MTUS1: variants seen among roughly 807,000 people sequenced by gnomAD.
The protein encoded by MTUS1 is microtubule-associated tumor suppressor 1.
MTUS1 carries 109 observed loss-of-function variants against 120.8 expected under a neutral mutation model. The ratio of observed to expected loss-of-function variants is 0.90; its 90% CI spans 0.77 to 1.06. The LOEUF (loss-of-function observed/expected upper bound fraction) is 1.06, where lower values mean the gene tolerates loss of function less well. MTUS1 is among the 50% of genes least tolerant of loss of function. The probability of loss-of-function intolerance (pLI) is 0.00; values close to 1 mark genes in which losing one functional copy is unlikely to be tolerated. For synonymous variants in MTUS1, 737 were observed against 550.5 expected (o/e 1.34, Z -4.74); for missense variants, 2,210 against 1,486.3 (o/e 1.49, Z -8.01).
chr8:17,713,328 G>T, intron 5 of MTUS1, 76 bp from the exon 6 acceptor site: 2 of 908,700 alleles, frequency 2.2e-6, no homozygotes, highest in South Asian at 1.5e-5. Context: ...ATGTTGATAA[G>T]AATTATTTTC....
At chr8:17,739,098 G>C (rs190620416) in intron 3 of MTUS1, among the ~76,000 whole-genome samples, 75 of 152,214 alleles carry the variant, frequency 4.9e-4, no homozygotes, top group African/African-American at 1.7e-3. Context: ...ATCTATGGTG[G>C]AGTCAGTGCA....
At chr8:17,722,392 G>T in intron 4 of MTUS1, 2 of 983,992 alleles carry the variant, frequency 2.0e-6, no homozygotes, top group East Asian at 1.1e-4. Context: ...AAGACAAAGA[G>T]AGCTTAAAAT....
chr8:17,663,976 T>A (rs1456610433), intron 8 of MTUS1: 1 of 152,254 alleles, frequency 6.6e-6, no homozygotes, highest in Non-Finnish European at 1.5e-5. Context: ...GGTGAAGCAC[T>A]CACCCCAGTG....
chr8:17,795,122 T>C (rs1165634004), intron 1 of MTUS1, among the ~76,000 whole-genome samples: 1 of 152,212 alleles, frequency 6.6e-6, no homozygotes, highest in Non-Finnish European at 1.5e-5. Context: ...AGTTAAATAT[T>C]ACCATGTTTC....
intron 4 of MTUS1, chr8:17,722,060 A>G: frequency 1.5e-6 from 2 of 1,323,206 alleles, no homozygotes; most frequent in Non-Finnish European, 1.9e-6. Context: ...CTAGCAAATC[A>G]AACTAAGAAA....
At chr8:17,752,450 C>A (rs1292431422) in intron 2 of MTUS1, among the ~76,000 whole-genome samples, 1 of 152,168 alleles carries the variant, frequency 6.6e-6, no homozygotes, top group East Asian at 1.9e-4. Context: ...AAAACTAAAT[C>A]TGAGTTTTGA....
chr8:17,686,718 A>G (rs1815889085), intron 6 of MTUS1, among the ~76,000 whole-genome samples: 1 of 152,216 alleles, frequency 6.6e-6, no homozygotes, highest in Admixed American at 6.5e-5. Flanking sequence ...TTTTGGAGAA[A>G]ATATTCTTCA....
chr8:17,712,350 T>C (rs980241874), intron 6 of MTUS1, among the ~76,000 whole-genome samples: 1 of 152,104 alleles, frequency 6.6e-6, no homozygotes, highest in East Asian at 1.9e-4. Context: ...TATCTTTTTT[T>C]TTTTGAGACA....
intron 2 of MTUS1, among the ~76,000 whole-genome samples, chr8:17,744,689 C>CTTTT (rs58283163): frequency 5.0e-5 from 5 of 99,012 alleles, no homozygotes; most frequent in South Asian, 3.5e-4. Context: ...ACCATGTTTT[C>CTTTT]TTTTTTTTTT....
chr8:17,676,708 G>C (rs975380801), intron 7 of MTUS1, among the ~76,000 whole-genome samples: 1 of 152,148 alleles, frequency 6.6e-6, no homozygotes, highest in African/African-American at 2.4e-5. Flanking sequence ...AGACTTGTGA[G>C]CCTTTTTCTT....
At chr8:17,665,180 G>A (rs566634971) in intron 8 of MTUS1, among the ~76,000 whole-genome samples, 1 of 152,282 alleles carries the variant, frequency 6.6e-6, no homozygotes, top group Non-Finnish European at 1.5e-5. Context: ...GCAGACAAGT[G>A]GTAGACCAGG....
chr8:17,653,140 C>T (rs990742593), intron 12 of MTUS1, 46 bp downstream of exon 12: 23 of 1,161,994 alleles, frequency 2.0e-5, no homozygotes, highest in Non-Finnish European at 2.8e-5. Flanking sequence ...TAAAAGGCAA[C>T]TGAGAAGAAA....
chr8:17,756,465 C>G (rs2048616575), intron 1 of MTUS1, among the ~76,000 whole-genome samples: 1 of 152,062 alleles, frequency 6.6e-6, no homozygotes, highest in Admixed American at 6.5e-5. Flanking sequence ...AGCAAATCAG[C>G]TGAAGATCAA....
chr8:17,732,094 T>C (rs2046624150), intron 3 of MTUS1, among the ~76,000 whole-genome samples: 1 of 152,194 alleles, frequency 6.6e-6, no homozygotes, highest in African/African-American at 2.4e-5. Context: ...AGCCTTTGAA[T>C]GCAGTCACAG....
rs1235667537 is a variant in MTUS1 at position 17,646,023 on chromosome 8, A to G, written c.3716T>C (p.Leu1239Pro). Residue 1239 changes from leucine (L) to proline (P), a missense_variant, in exon 15 of 15, where the codon CTG becomes CCG. By Grantham distance (98) the Leu-to-Pro change is moderately conservative (BLOSUM62 -3). Coordinates refer to ENST00000693296, the MANE Select transcript of MTUS1 (RefSeq NM_001363059.2). Reference protein sequence around the residue: ...ELLWKLHNGDLCSPKRSPTSS... With the variant: ...ELLWKLHNGDPCSPKRSPTSS... ...TGTGGGGGATCTCTTGGGGCTACAC[A>G]GGTCCCCATTGTGCAGTTTCCACAG... 6.2e-7 allele frequency: 1 copy of G among 1,613,680 alleles called. No individual in the cohort carries two copies. The highest frequency in any genetic ancestry group is 8.5e-7 in the Non-Finnish European group (1 of 1,179,912).
At chr8:17,655,717 T>C (rs1808061006) in intron 9 of MTUS1, 146 bp downstream of exon 9, 1 of 713,004 alleles carries the variant, frequency 1.4e-6, no homozygotes, top group Non-Finnish European at 2.4e-6. Context: ...GGAGACAGAG[T>C]GGGACTCTGT....
chr8:17,655,962 T>C lies in MTUS1; in HGVS notation c.3009A>G (p.Arg1003=), dbSNP rs1419691306. The C allele has an allele frequency of 6.2e-7, 1 of 1,614,224 alleles. No homozygotes were observed. The highest frequency in any genetic ancestry group is 1.7e-5 in the Admixed American group (1 of 60,018). The part of the protein sequence containing the change: ...VQQHQAEKTE[R]ENRLKEFYTR... ...TGTAAAACTCTTTAAGCCGATTCTC[T>C]CGTTCTGTTTTTTCAGCCTGGTGCT... The change falls in exon 9 of 15, where the codon CGA becomes CGG. Residue 1003 remains arginine (R), a synonymous_variant. Coordinates refer to ENST00000693296, the MANE Select transcript of MTUS1 (RefSeq NM_001363059.2).
intron 7 of MTUS1, among the ~76,000 whole-genome samples, chr8:17,679,565 G>T (rs554287348): frequency 1.3e-5 from 2 of 151,522 alleles, no homozygotes; most frequent in Admixed American, 1.3e-4. Context: ...GCGGTGGTGC[G>T]ATCTTGGCTC....
chr8:17,653,034 G>C, intron 12 of MTUS1, 152 bp downstream of exon 12: 1 of 528,834 alleles, frequency 1.9e-6, no homozygotes, highest in Non-Finnish European at 3.3e-6. Flanking sequence ...AGTAAGCAAA[G>C]CAGTTGTTTT....
Sources: gnomAD v4.1 joint callset for allele counts (sites outside exome capture counted in the v4.1 genomes callset) on GRCh38, gnomAD v4.1.1 for gene constraint, MANE v1.5 for transcripts, NCBI Gene and HGNC (gene_info 2026-07-23, HGNC 2026-07-21) for gene names.